The following AVEN variants were observed in gnomAD, a reference collection of about 807,000 sequenced individuals.
The protein encoded by AVEN is cell death regulator Aven.
AVEN carries 41 observed loss-of-function variants against 38.1 expected under a neutral mutation model. That is an observed-to-expected ratio of 1.08 (90% CI 0.84 to 1.40). The LOEUF (loss-of-function observed/expected upper bound fraction) is 1.40. AVEN is among the 40% of genes most tolerant of loss of function. The pLI is 0.00. For missense variants in AVEN, 605 were observed against 438.8 expected, an observed-to-expected ratio of 1.38 and a Z score of -3.38; for synonymous variants, 206 against 171.8, an observed-to-expected ratio of 1.20 and a Z score of -1.56.
chr15:33,943,066 T>A (rs753885188), intron 2 of AVEN, among the ~76,000 whole-genome samples: 8 of 152,132 alleles, frequency 5.3e-5, no homozygotes, highest in Non-Finnish European at 1.2e-4. Flanking sequence ...CCTCAAGAAA[T>A]CCAAAATAGA....
At chr15:33,941,787 G>A (rs934292844) in intron 2 of AVEN, among the ~76,000 whole-genome samples, 4 of 152,120 alleles carry the variant, frequency 2.6e-5, no homozygotes, top group African/African-American at 7.2e-5. Flanking sequence ...TATGGAAAAC[G>A]TCATTGCTTG....
At chr15:33,937,397 G>C (rs1464110155) in intron 2 of AVEN, among the ~76,000 whole-genome samples, 1 of 151,704 alleles carries the variant, frequency 6.6e-6, no homozygotes, top group African/African-American at 2.4e-5. Context: ...GCCGGGCGTG[G>C]TGGCAGGCGC....
At chr15:33,890,566 G>A (rs1329378421) in intron 2 of AVEN, among the ~76,000 whole-genome samples, 1 of 152,014 alleles carries the variant, frequency 6.6e-6, no homozygotes, top group Non-Finnish European at 1.5e-5. Flanking sequence ...GGGCAAAAAT[G>A]TAAAATACAG....
intron 5 of AVEN, among the ~76,000 whole-genome samples, chr15:34,049,341 C>T (rs1375548034): frequency 1.3e-5 from 2 of 152,118 alleles, no homozygotes; most frequent in East Asian, 3.9e-4. Context: ...GCCAGAGTAG[C>T]CAGTTTAGAG....
At chr15:33,857,892 T>G, downstream of AVEN, 1 of 1,614,126 alleles carries the variant, frequency 6.2e-7, no homozygotes, top group South Asian at 1.1e-5. Flanking sequence ...GAGCCCGATA[T>G]GAAGTGCGAC....
At chr15:33,976,820 T>C (rs1328539518) in intron 2 of AVEN, among the ~76,000 whole-genome samples, 1 of 152,314 alleles carries the variant, frequency 6.6e-6, no homozygotes, top group African/African-American at 2.4e-5. Context: ...GCTGAACTTT[T>C]GAAACAAACA....
chr15:33,860,901 GGC>G (rs1887953382), intron 11 of AVEN, among the ~76,000 whole-genome samples: 1 of 120,658 alleles, frequency 8.3e-6, no homozygotes, highest in African/African-American at 3.6e-5. Context: ...CTAAGTGTAT[GGC>G]ACTACTGAGT....
In AVEN at chr15:33,867,845, G is replaced by A. The variant is rs771908835; in HGVS notation, c.623C>T (p.Pro208Leu). 2 of 1,574,920 alleles carry A rather than the reference G, an allele frequency of 1.3e-6. No homozygotes were observed. Among genetic ancestry groups the A allele is most frequent in the Non-Finnish European group, 8.6e-7 (1 of 1,165,828 alleles). The change falls in exon 5 of 6, where the codon CCT becomes CTT. Residue 208 changes from proline (P) to leucine (L), a missense_variant. Transcript: ENST00000306730. ...VAAELVQGTV[P>L]LEVPQVKPKR... Reference sequence around the variant, plus strand: ...TGGTTTCACCTGAGGAACCTCTAAAGGAACTGTACCCTGAAAGAGAAGTAT... The same window carrying A: ...TGGTTTCACCTGAGGAACCTCTAAAAGAACTGTACCCTGAAAGAGAAGTAT...
At chr15:33,855,823 C>T (rs1374746907), downstream of AVEN, 1 of 152,160 alleles carries the variant, frequency 6.6e-6, no homozygotes, top group Non-Finnish European at 1.5e-5. Context: ...ATTGATGAGA[C>T]TGGATATAGC....
intron 1 of AVEN, among the ~76,000 whole-genome samples, chr15:34,017,185 C>T (rs1156737975): frequency 6.6e-6 from 1 of 151,946 alleles, no homozygotes; most frequent in Non-Finnish European, 1.5e-5. Context: ...TGAATCCAAC[C>T]ACCCGTCTCA....
At chr15:34,014,645 C>T (rs1897803657) in intron 1 of AVEN, among the ~76,000 whole-genome samples, 1 of 152,160 alleles carries the variant, frequency 6.6e-6, no homozygotes. Flanking sequence ...ATCAATGCAG[C>T]ATCTGACAGA....
At chr15:33,952,729 G>C (rs1011455108) in intron 2 of AVEN, among the ~76,000 whole-genome samples, 1 of 151,874 alleles carries the variant, frequency 6.6e-6, no homozygotes, top group Non-Finnish European at 1.5e-5. Flanking sequence ...AAACAGCATG[G>C]ACAAGAATTT....
At position 33,860,337 on chromosome 15, in the gene AVEN, G is replaced by A. The variant is rs1597103366; in HGVS notation, n.2730-1243C>T. On this transcript the variant is annotated intron_variant and non_coding_transcript_variant, in intron 11 of 11. Transcript: ENST00000675287. ...CTAAGCAAAATAGGAGACCAACCAG[G>A]GAGAAGTAGAAAGGAAAGAGTTTCA... 2.6e-5 allele frequency among the ~76,000 whole-genome samples: 4 copies of A among 152,198 alleles called. No individual in the cohort carries two copies. In the South Asian group the frequency reaches 6.2e-4, roughly 24 times the overall value.
intron 1 of AVEN, among the ~76,000 whole-genome samples, chr15:34,026,212 C>T (rs1898465474): frequency 6.6e-6 from 1 of 151,978 alleles, no homozygotes; most frequent in South Asian, 2.1e-4. Context: ...AGTCTTATGA[C>T]ATCTTCCCAG....
chr15:34,037,979 C>A (rs1011311170), intron 1 of AVEN, among the ~76,000 whole-genome samples: 3 of 152,176 alleles, frequency 2.0e-5, no homozygotes, highest in Non-Finnish European at 2.9e-5. Flanking sequence ...AAAGACAGTC[C>A]TCTAACTCCT....
At chr15:33,879,319 G>A (rs142420282) in intron 2 of AVEN, among the ~76,000 whole-genome samples, 2,346 of 145,980 alleles carry the variant, frequency 0.016, 29 homozygotes, top group South Asian at 0.042. Context: ...AACAAACACC[G>A]CATGTTCTCA....
intron 5 of AVEN, among the ~76,000 whole-genome samples, chr15:34,060,613 C>T (rs77009925): frequency 2.0e-5 from 3 of 152,114 alleles, no homozygotes; most frequent in Non-Finnish European, 4.4e-5. Context: ...CGGTGGCTTT[C>T]GCCTGTAATC....
chr15:33,922,822 C>A (rs1431320449), intron 2 of AVEN, among the ~76,000 whole-genome samples: 1 of 152,186 alleles, frequency 6.6e-6, no homozygotes, highest in Admixed American at 6.5e-5. Context: ...TTCTGCTTTA[C>A]TTCTTATGCT....
At chr15:33,974,494 T>G (rs1895785994) in intron 2 of AVEN, among the ~76,000 whole-genome samples, 1 of 152,228 alleles carries the variant, frequency 6.6e-6, no homozygotes, top group Non-Finnish European at 1.5e-5. Context: ...ATGCTGTGCC[T>G]CAACCCCTAT....
Sources: gnomAD v4.1 joint callset for allele counts (sites outside exome capture counted in the v4.1 genomes callset) on GRCh38, gnomAD v4.1.1 for gene constraint, MANE v1.5 for transcripts, NCBI Gene and HGNC (gene_info 2026-07-23, HGNC 2026-07-21) for gene names.